Variants in CDC45 observed in about 807,000 individuals in gnomAD.
CDC45 encodes cell division control protein 45 homolog.
CDC45 carries 54 observed loss-of-function variants against 77.8 expected under a neutral mutation model. That is an observed-to-expected ratio of 0.69 (90% CI 0.56 to 0.87). The LOEUF is 0.87. Among genes scored for constraint, CDC45 ranks in the 40% least tolerant of loss-of-function variants. The pLI, the probability that CDC45 is intolerant of heterozygous loss-of-function variation, is 0.00. For missense variants in CDC45, 649 were observed against 721.6 expected, an observed-to-expected ratio of 0.90 and a Z score of 1.15; for synonymous variants, 260 against 272.1, an observed-to-expected ratio of 0.96 and a Z score of 0.44.
In CDC45 at chr22:19,510,277, G is replaced by C. The variant is rs570512104; in HGVS notation, c.1217+1586G>C. On this transcript the variant is annotated intron_variant, in intron 13 of 18. Transcript: ENST00000263201. ...GCCCAGCCTGCAATGACTTTTAGTA[G>C]GTTGCAGTTAGGTTTTGCAAGGTTG... Among the ~76,000 whole-genome samples the C allele has an allele frequency of 3.9e-5, 6 of 152,034 alleles. 1 individual carries two copies. The highest frequency in any genetic ancestry group is 1.3e-4 in the Admixed American group (2 of 15,290).
chr22:19,519,260 C>T (rs1933977507), intron 18 of CDC45, among the ~76,000 whole-genome samples: 1 of 152,242 alleles, frequency 6.6e-6, no homozygotes, highest in African/African-American at 2.4e-5. Flanking sequence ...GCCTCCTGTC[C>T]CACAGCCTTC....
chr22:19,480,988 G>A lies in CDC45; in HGVS notation c.147G>A (p.Leu49=). 1 of 1,613,438 alleles carries A rather than the reference G, an allele frequency of 6.2e-7. No individual in the cohort carries two copies. Among genetic ancestry groups the A allele is most frequent in the Non-Finnish European group, 8.5e-7 (1 of 1,179,648 alleles). ...AGTGTGACCACGTGCAATATACGCT[G>A]GTTCCAGTTTCTGGGTGGCAAGAAC... ...LFQCDHVQYT[L]VPVSGWQELE... The change falls in exon 3 of 19, where the codon CTG becomes CTA. Residue 49 remains leucine (L), a synonymous_variant. Transcript: ENST00000263201.
At position 19,494,389 on chromosome 22, in the gene CDC45, CTG is replaced by C. The variant is rs746989422; in HGVS notation, c.542+10_542+11del. On this transcript the variant is annotated splice_region_variant and intron_variant, in intron 6 of 18. Coordinates refer to ENST00000263201, the MANE Select transcript of CDC45 (RefSeq NM_003504.5). ...GAGAGTGGGAGGCCCGGAGGTGAGT[CTG>C]TGCTTCCAGCTGCTCCCAGCACCAG... The C allele has an allele frequency of 1.2e-6, 2 of 1,613,460 alleles. No homozygotes were observed. The highest frequency in any genetic ancestry group is 2.2e-5 in the South Asian group (2 of 90,966).
At chr22:19,496,081 T>G (rs776212438) in intron 7 of CDC45, 52 bp downstream of exon 7, 1 of 1,173,300 alleles carries the variant, frequency 8.5e-7, no homozygotes. Context: ...CAGGGGTCAG[T>G]GTCCTCAAAT....
At chr22:19,501,777 T>A (rs1257608338) in intron 9 of CDC45, among the ~76,000 whole-genome samples, 1 of 152,170 alleles carries the variant, frequency 6.6e-6, no homozygotes, top group Non-Finnish European at 1.5e-5. Context: ...TGTGTTGGCA[T>A]GAACGTAACT....
chr22:19,497,458 C>T lies in CDC45; in HGVS notation c.653+11C>T, dbSNP rs752091552. On this transcript the variant is annotated intron_variant, in intron 8 of 18. Coordinates refer to ENST00000263201, the MANE Select transcript of CDC45 (RefSeq NM_003504.5). ...GAATGACATGCTGTGGTACGTAGCCCCTGCGGCAGCTGTGTGGGAGTATTT... is the reference window on the plus strand; with the variant it reads ...GAATGACATGCTGTGGTACGTAGCCTCTGCGGCAGCTGTGTGGGAGTATTT... The T allele has an allele frequency of 5.1e-5, 83 of 1,612,372 alleles. No homozygotes were observed. Among genetic ancestry groups the T allele is most frequent in the Non-Finnish European group, 6.4e-5 (76 of 1,178,562 alleles).
At chr22:19,497,489 C>T in intron 8 of CDC45, 42 bp downstream of exon 8, 4 of 1,550,114 alleles carry the variant, frequency 2.6e-6, no homozygotes, top group Non-Finnish European at 3.6e-6. Flanking sequence ...TATTTGTTGC[C>T]TTGGTCAGTG....
At chr22:19,503,749 G>A (rs1700756397) in intron 9 of CDC45, among the ~76,000 whole-genome samples, 1 of 152,186 alleles carries the variant, frequency 6.6e-6, no homozygotes, top group Non-Finnish European at 1.5e-5. Flanking sequence ...CTATTATTAG[G>A]GAGGGTCGAC....
chr22:19,518,180 C>T (rs1344586041), intron 17 of CDC45, among the ~76,000 whole-genome samples: 1 of 152,240 alleles, frequency 6.6e-6, no homozygotes, highest in Admixed American at 6.5e-5. Context: ...ACAGGGAGGA[C>T]TCGGGCTGGG....
chr22:19,482,970 CTT>C (rs764932252), intron 4 of CDC45, 143 bp downstream of exon 4: 9,676 of 508,908 alleles, frequency 0.019, no homozygotes, highest in South Asian at 0.026. Flanking sequence ...TCTTTGTCAT[CTT>C]TTTTTTTTTT....
chr22:19,493,266 T>TGTTTTGTTTG (rs2090184212), intron 5 of CDC45, among the ~76,000 whole-genome samples: 1 of 151,936 alleles, frequency 6.6e-6, no homozygotes, highest in Non-Finnish European at 1.5e-5. Flanking sequence ...TGTTTTGTTT[T>TGTTTTGTTTG]GTTGTCTGCA....
chr22:19,504,787 T>G lies in CDC45; in HGVS notation c.705-575T>G, dbSNP rs139345466. ...AGTATACAGGACCCAAAGGAATATC[T>G]CAAAGGGAAAACAGCATTTCCTAAG... On this transcript the variant is annotated intron_variant, in intron 9 of 18. Transcript: ENST00000263201. Among the ~76,000 whole-genome samples, 10 of 152,214 alleles carry G rather than the reference T, an allele frequency of 6.6e-5. No individual in the cohort carries two copies. In the East Asian group the frequency reaches 1.9e-3, roughly 29 times the overall value.
chr22:19,518,703 A>G (rs1315913219), intron 17 of CDC45, 141 bp from the exon 18 acceptor site: 11 of 697,308 alleles, frequency 1.6e-5, no homozygotes, highest in Non-Finnish European at 7.9e-6. Context: ...AGACACAACC[A>G]CTGAGTGCAG....
intron 7 of CDC45, among the ~76,000 whole-genome samples, chr22:19,496,944 C>T (rs1430231373): frequency 6.6e-6 from 1 of 152,052 alleles, no homozygotes; most frequent in Non-Finnish European, 1.5e-5. Flanking sequence ...CCTGGCCTTC[C>T]TGGGAATGTG....
At chr22:19,481,627 C>T (rs1430036364) in intron 3 of CDC45, among the ~76,000 whole-genome samples, 1 of 151,910 alleles carries the variant, frequency 6.6e-6, no homozygotes, top group East Asian at 1.9e-4. Flanking sequence ...GATCTGCCCA[C>T]CTCCGAAAGT....
At chr22:19,482,970 C>CTTTT in intron 4 of CDC45, 143 bp downstream of exon 4, 14 of 523,184 alleles carry the variant, frequency 2.7e-5, no homozygotes, top group Non-Finnish European at 3.4e-5. Context: ...TCTTTGTCAT[C>CTTTT]TTTTTTTTTT....
intron 13 of CDC45, among the ~76,000 whole-genome samples, chr22:19,509,729 CTT>C (rs1350634792): frequency 2.6e-5 from 4 of 152,094 alleles, no homozygotes; most frequent in African/African-American, 9.7e-5. Flanking sequence ...ATTTCCCTGA[CTT>C]TTTAGGAGGA....
intron 13 of CDC45, among the ~76,000 whole-genome samples, chr22:19,511,125 G>T (rs1436959960): frequency 6.6e-6 from 1 of 152,180 alleles, no homozygotes; most frequent in East Asian, 1.9e-4. Flanking sequence ...CACCAGGAGG[G>T]AGGGTTTCAA....
At chr22:19,496,988 G>C (rs754817580) in intron 7 of CDC45, among the ~76,000 whole-genome samples, 2 of 152,082 alleles carry the variant, frequency 1.3e-5, no homozygotes, top group African/African-American at 4.8e-5. Flanking sequence ...AGGAGTGTGC[G>C]GATGCAGAGC....
Sources: gnomAD v4.1 joint callset for allele counts (sites outside exome capture counted in the v4.1 genomes callset) on GRCh38, gnomAD v4.1.1 for gene constraint, MANE v1.5 for transcripts, NCBI Gene and HGNC (gene_info 2026-07-23, HGNC 2026-07-21) for gene names.